The following TRAF3 variants were observed in gnomAD, a reference collection of about 807,000 sequenced individuals.
TRAF3 encodes TNF receptor associated factor 3.
Under a neutral mutation model 62.3 loss-of-function variants are expected in TRAF3, and 13 were observed. The ratio of observed to expected loss-of-function variants is 0.21; its 90% CI spans 0.14 to 0.33. The LOEUF (loss-of-function observed/expected upper bound fraction) is 0.33. TRAF3 is among the 10% of genes least tolerant of loss of function. The pLI, the probability that TRAF3 is intolerant of heterozygous loss-of-function variation, is 1.00. For synonymous variants in TRAF3, 269 were observed against 283.4 expected (o/e 0.95, Z 0.51); for missense variants, 440 against 741.8 (o/e 0.59, Z 4.73).
At position 102,803,579 on chromosome 14, in the gene TRAF3, T is replaced by A. The variant is rs564714650; in HGVS notation, c.-157+25904T>A. Among the ~76,000 whole-genome samples the A allele has an allele frequency of 5.4e-3, 815 of 151,748 alleles. 6 individuals are homozygous for A. The highest frequency in any genetic ancestry group is 9.9e-3 in the Admixed American group (151 of 15,218). On this transcript the variant is annotated intron_variant, in intron 1 of 11. Coordinates refer to ENST00000392745, the MANE Select transcript of TRAF3 (RefSeq NM_145725.3). ...GGTTAAGTTGGCCAGAAGTATAATT[T>A]TTTTTTTTTTTTTAAGAGACAGGGT...
At chr14:102,834,604 C>T (rs1326405249) in intron 2 of TRAF3, among the ~76,000 whole-genome samples, 3 of 145,680 alleles carry the variant, frequency 2.1e-5, no homozygotes, top group South Asian at 4.3e-4. Context: ...AGGAGAATGG[C>T]GTGAACCCGG....
At chr14:102,803,576 A>AT (rs747187998) in intron 1 of TRAF3, among the ~76,000 whole-genome samples, 1,970 of 144,664 alleles carry the variant, frequency 0.014, 16 homozygotes, top group Middle Eastern at 0.022. Flanking sequence ...CAGAAGTATA[A>AT]TTTTTTTTTT....
At chr14:102,855,286 G>T (rs1232463058) in intron 2 of TRAF3, among the ~76,000 whole-genome samples, 1 of 152,162 alleles carries the variant, frequency 6.6e-6, no homozygotes, top group Non-Finnish European at 1.5e-5. Flanking sequence ...GTACTGCTGT[G>T]AACATGTGTA....
chr14:102,870,684 T>C (rs1240326576), intron 3 of TRAF3, among the ~76,000 whole-genome samples: 1 of 152,208 alleles, frequency 6.6e-6, no homozygotes, highest in Non-Finnish European at 1.5e-5. Context: ...CCACTCCGTC[T>C]GTAGAGCCTT....
intron 9 of TRAF3, among the ~76,000 whole-genome samples, chr14:102,896,604 T>C (rs550796717): frequency 1.4e-4 from 21 of 152,344 alleles, no homozygotes; most frequent in Middle Eastern, 3.4e-3. Context: ...TCTTACTATG[T>C]TACCTGGTCA....
chr14:102,839,082 G>A (rs895990989), intron 2 of TRAF3, among the ~76,000 whole-genome samples: 40 of 152,134 alleles, frequency 2.6e-4, no homozygotes, highest in African/African-American at 9.6e-4. Flanking sequence ...CCTTTTGCTT[G>A]CCCAGTGCCC....
At chr14:102,887,682 C>A (rs1189254257) in intron 7 of TRAF3, among the ~76,000 whole-genome samples, 1 of 151,892 alleles carries the variant, frequency 6.6e-6, no homozygotes, top group African/African-American at 2.4e-5. Context: ...GCATGCTCTG[C>A]CTCCTGGGTT....
Position 102,905,875 on chromosome 14 carries a change from A to G in TRAF3, c.*91A>G. The stretch of plus-strand genomic sequence containing the variant: ...TCACTGAGGTCCTCGCGCTCAGAAA[A>G]GGACCTTGTGAGACGGAGGAAGCGG... On this transcript the variant is annotated 3_prime_UTR_variant, in exon 12 of 12. Transcript: ENST00000392745. The G allele has an allele frequency of 6.4e-6, 8 of 1,247,772 alleles. No homozygotes were observed. Among genetic ancestry groups the G allele is most frequent in the Non-Finnish European group, 9.0e-6 (8 of 890,410 alleles). 77.3% of individuals were successfully genotyped at this position (1,247,772 alleles called of 1,614,324 possible).
rs556173394 is a variant in TRAF3 at position 102,801,868 on chromosome 14, T to A, written c.-157+24193T>A. Reference sequence around the variant, plus strand: ...CCCGTCTACTAAAAATACAAAAAATTAGCCGGGCGTGGTGGCGGGCGCCTG... The same window carrying A: ...CCCGTCTACTAAAAATACAAAAAATAAGCCGGGCGTGGTGGCGGGCGCCTG... On this transcript the variant is annotated intron_variant, in intron 1 of 11. Transcript: ENST00000392745. Among the ~76,000 whole-genome samples, 259 of 151,232 alleles carry A rather than the reference T, an allele frequency of 1.7e-3. 1 individual carries two copies. Among genetic ancestry groups the A allele is most frequent in the African/African-American group, 6.2e-3 (254 of 41,242 alleles).
chr14:102,859,143 C>G (rs752720823), intron 2 of TRAF3, among the ~76,000 whole-genome samples: 4 of 151,642 alleles, frequency 2.6e-5, no homozygotes, highest in Non-Finnish European at 4.4e-5. Flanking sequence ...TTTTGCAAAC[C>G]TTCAGCTTTA....
intron 3 of TRAF3, among the ~76,000 whole-genome samples, chr14:102,871,403 A>G (rs1357795450): frequency 6.6e-6 from 1 of 152,192 alleles, no homozygotes; most frequent in African/African-American, 2.4e-5. Flanking sequence ...CTCTGGGCCC[A>G]GGAGAAGCTT....
intron 1 of TRAF3, among the ~76,000 whole-genome samples, chr14:102,821,649 A>G (rs1899992793): frequency 6.6e-6 from 1 of 152,180 alleles, no homozygotes; most frequent in Non-Finnish European, 1.5e-5. Context: ...GAAATGTTTG[A>G]TTTCTTAGTG....
intron 2 of TRAF3, among the ~76,000 whole-genome samples, chr14:102,845,508 TA>T (rs1180542427): frequency 7.8e-6 from 1 of 128,744 alleles, no homozygotes; most frequent in Non-Finnish European, 1.5e-5. Context: ...AGCCTAAAAA[TA>T]AAAAAAAAAT....
chr14:102,831,104 C>T (rs1162837960), intron 2 of TRAF3, among the ~76,000 whole-genome samples: 1 of 152,118 alleles, frequency 6.6e-6, no homozygotes, highest in Admixed American at 6.5e-5. Context: ...GTGATTTCTC[C>T]CATTCTCCCT....
chr14:102,808,846 T>TA (rs1898934604), intron 1 of TRAF3, among the ~76,000 whole-genome samples: 1 of 152,046 alleles, frequency 6.6e-6, no homozygotes, highest in Admixed American at 6.6e-5. Flanking sequence ...AAGACAGTCT[T>TA]ACGCTGTTGC....
At chr14:102,814,111 T>C (rs944473967) in intron 1 of TRAF3, among the ~76,000 whole-genome samples, 1 of 152,214 alleles carries the variant, frequency 6.6e-6, no homozygotes, top group Non-Finnish European at 1.5e-5. Flanking sequence ...GTCTAGTTTC[T>C]ATTTTCACTC....
intron 2 of TRAF3, among the ~76,000 whole-genome samples, chr14:102,836,147 G>A (rs1885989073): frequency 6.6e-6 from 1 of 152,228 alleles, no homozygotes. Flanking sequence ...CCAGTGCCGT[G>A]TGCAAGGTGT....
At chr14:102,815,046 C>T (rs888399786) in intron 1 of TRAF3, among the ~76,000 whole-genome samples, 5 of 152,172 alleles carry the variant, frequency 3.3e-5, no homozygotes, top group African/African-American at 1.2e-4. Flanking sequence ...AGGGAGCCTA[C>T]TGCCTTAGCC....
intron 1 of TRAF3, among the ~76,000 whole-genome samples, chr14:102,827,173 G>A (rs1900370584): frequency 6.6e-6 from 1 of 152,228 alleles, no homozygotes; most frequent in African/African-American, 2.4e-5. Context: ...CTTTCTCACA[G>A]AACCTTGTCC....
Sources: allele counts gnomAD v4.1 joint callset (sites outside exome capture counted in the v4.1 genomes callset), GRCh38; gene constraint gnomAD v4.1.1; transcripts MANE v1.5; gene names NCBI Gene and HGNC (gene_info 2026-07-23, HGNC 2026-07-21).